SCFD1: variants seen among roughly 807,000 people sequenced by gnomAD.
SCFD1 encodes sec1 family domain-containing protein 1.
In SCFD1, 37 loss-of-function variants were observed where a neutral mutation model predicts 103.2. That is an observed-to-expected ratio of 0.36 (90% CI 0.28 to 0.47). The LOEUF (loss-of-function observed/expected upper bound fraction) is 0.47, where lower values mean the gene tolerates loss of function less well. Ranked by LOEUF, SCFD1 falls within the 20% of genes least tolerant of loss-of-function variation. SCFD1 has a pLI of 1.00. For synonymous variants in SCFD1, 264 were observed against 245.0 expected, an observed-to-expected ratio of 1.08 and a Z score of -0.73; for missense variants, 639 against 761.2, an observed-to-expected ratio of 0.84 and a Z score of 1.89.
At chr14:30,644,669 G>A (rs1262345036) in intron 7 of SCFD1, among the ~76,000 whole-genome samples, 2 of 152,114 alleles carry the variant, frequency 1.3e-5, no homozygotes, top group Non-Finnish European at 2.9e-5. Context: ...AGAAGTGTCT[G>A]TTCATGTCCT....
intron 21 of SCFD1, among the ~76,000 whole-genome samples, chr14:30,720,657 A>G (rs1892592307): frequency 6.6e-6 from 1 of 152,182 alleles, no homozygotes; most frequent in Non-Finnish European, 1.5e-5. Context: ...AGTGTAAACT[A>G]TATAGTTCGT....
At chr14:30,645,045 C>T (rs929040809) in intron 7 of SCFD1, among the ~76,000 whole-genome samples, 2 of 152,084 alleles carry the variant, frequency 1.3e-5, no homozygotes, top group Non-Finnish European at 2.9e-5. Flanking sequence ...TAATCTCCTG[C>T]GTATAGCTAG....
At chr14:30,725,318 A>G (rs147801904) in intron 23 of SCFD1, among the ~76,000 whole-genome samples, 1,812 of 152,280 alleles carry the variant, frequency 0.012, 39 homozygotes, top group African/African-American at 0.042. Context: ...ATCCATGAGC[A>G]TGGAATGTTT....
intron 22 of SCFD1, among the ~76,000 whole-genome samples, chr14:30,722,206 G>C (rs1795613543): frequency 6.6e-6 from 1 of 151,978 alleles, no homozygotes; most frequent in Non-Finnish European, 1.5e-5. Flanking sequence ...TACTATGACT[G>C]TTTTCATTTG....
Position 30,673,970 on chromosome 14 carries a change from A to G in SCFD1, c.1133A>G (p.Asn378Ser), listed in dbSNP as rs763041724. The G allele has an allele frequency of 1.9e-6, 3 of 1,613,666 alleles. No homozygotes were observed. The highest frequency in any genetic ancestry group is 1.7e-5 in the Admixed American group (1 of 60,008). Residue 378 changes from asparagine (N) to serine (S), a missense_variant, in exon 13 of 25, where the codon AAT (asparagine) becomes AGT (serine). Physicochemically the swap from Asn to Ser is conservative, Grantham distance 46. Transcript: ENST00000458591. ...DEGAISMLSD[N>S]TAKLTSAVSS... The stretch of plus-strand genomic sequence containing the variant: ...GGAGCCATAAGTATGCTTTCTGACA[A>G]TACCGCTAAGCTAACATCAGCTGTT...
intron 6 of SCFD1, among the ~76,000 whole-genome samples, 177 bp from the exon 7 acceptor site, chr14:30,643,139 C>T (rs537897229): frequency 6.6e-6 from 1 of 152,188 alleles, no homozygotes; most frequent in South Asian, 2.1e-4. Flanking sequence ...TGTCTCTGCA[C>T]TCCCTCCTGG....
In SCFD1 at chr14:30,653,563, A is replaced by G; in HGVS notation, c.830A>G (p.Tyr277Cys). 1 of 1,613,004 alleles carries G rather than the reference A, an allele frequency of 6.2e-7. No individual in the cohort carries two copies. Among genetic ancestry groups the G allele is most frequent in the Non-Finnish European group, 8.5e-7 (1 of 1,179,094 alleles). ...LATPLHHTWT[Y>C]QALVHDVLDF... ...ACTCCTTTACATCATACTTGGACAT[A>G]TCAAGCATTGGTGCACGATGTACTG... The change falls in exon 10 of 25, where the codon TAT becomes TGT. Residue 277 changes from tyrosine to cysteine, a missense_variant. Physicochemically the swap from Tyr to Cys is radical, Grantham distance 194. Coordinates refer to ENST00000458591, the MANE Select transcript of SCFD1 (RefSeq NM_016106.4).
intron 23 of SCFD1, 26 bp downstream of exon 23, chr14:30,722,585 CTGT>C (rs1336567138): frequency 4.8e-6 from 7 of 1,465,984 alleles, no homozygotes; most frequent in Non-Finnish European, 5.7e-6. Context: ...CCTTTTTATT[CTGT>C]TGTTAGATGG....
At chr14:30,705,979 C>A in intron 18 of SCFD1, 94 bp downstream of exon 18, 6 of 950,046 alleles carry the variant, frequency 6.3e-6, no homozygotes, top group South Asian at 1.5e-5. Context: ...ACTTTGAATG[C>A]GGAAAATGTC....
chr14:30,634,812 A>C (rs1884551746), intron 4 of SCFD1: 2 of 456,034 alleles, frequency 4.4e-6, no homozygotes, highest in Non-Finnish European at 8.8e-6. Flanking sequence ...ATCTATGTTC[A>C]CATCAACAAG....
chr14:30,677,357 GC>G (rs1889112020), intron 14 of SCFD1, among the ~76,000 whole-genome samples: 1 of 151,970 alleles, frequency 6.6e-6, no homozygotes, highest in African/African-American at 2.4e-5. Flanking sequence ...TCATTATCTT[GC>G]TAATGATCCT....
chr14:30,671,266 C>G (rs775901429), intron 11 of SCFD1, among the ~76,000 whole-genome samples: 1 of 151,940 alleles, frequency 6.6e-6, no homozygotes, highest in Non-Finnish European at 1.5e-5. Context: ...ATTTGACTTT[C>G]TCTGCAGAGA....
chr14:30,717,035 A>T (rs940982813), intron 20 of SCFD1, among the ~76,000 whole-genome samples: 1 of 152,246 alleles, frequency 6.6e-6, no homozygotes, highest in African/African-American at 2.4e-5. Context: ...TAAGAGAGGT[A>T]TACATTCATG....
In SCFD1 at chr14:30,708,029, G is replaced by C. The variant is rs755486274; in HGVS notation, c.1593G>C (p.Val531=). The C allele has an allele frequency of 1.2e-6, 2 of 1,613,434 alleles. No individual in the cohort carries two copies. Among genetic ancestry groups the C allele is most frequent in the East Asian group, 4.5e-5 (2 of 44,852 alleles). Residue 531 remains valine (V), a synonymous_variant, in exon 19 of 25, where the codon GTG becomes GTC. Coordinates refer to ENST00000458591, the MANE Select transcript of SCFD1 (RefSeq NM_016106.4). ...SRVMNTGSQF[V]MEGVKNLVLK... is the part of the protein sequence containing the mutation. ...TCATGAATACAGGATCACAGTTTGT[G>C]ATGGAAGGAGTGAAGAACCTGGTTT... is the stretch of plus-strand genomic sequence containing the variant.
At chr14:30,734,191 G>C (rs1483939161) in intron 23 of SCFD1, among the ~76,000 whole-genome samples, 1 of 152,136 alleles carries the variant, frequency 6.6e-6, no homozygotes, top group Non-Finnish European at 1.5e-5. Context: ...TATTACAAAA[G>C]AAATCTCATG....
At chr14:30,629,175 A>G (rs189725507) in intron 2 of SCFD1, among the ~76,000 whole-genome samples, 10 of 152,122 alleles carry the variant, frequency 6.6e-5, no homozygotes, top group Non-Finnish European at 1.2e-4. Flanking sequence ...TACTTTTCCT[A>G]CCCATCACTT....
intron 7 of SCFD1, 72 bp from the exon 8 acceptor site, chr14:30,649,456 T>C: frequency 1.1e-6 from 1 of 879,920 alleles, no homozygotes. Flanking sequence ...TTATTTTTGA[T>C]GCTGATGTAT....
intron 1 of SCFD1, among the ~76,000 whole-genome samples, chr14:30,622,764 T>TAAAAA (rs1566565115): frequency 6.6e-6 from 1 of 152,306 alleles, no homozygotes; most frequent in Non-Finnish European, 1.5e-5. Context: ...GGTTTTGATT[T>TAAAAA]TTAAGAGAAC....
At chr14:30,624,854 C>G (rs1359229506) in intron 1 of SCFD1, among the ~76,000 whole-genome samples, 1 of 152,104 alleles carries the variant, frequency 6.6e-6, no homozygotes, top group Non-Finnish European at 1.5e-5. Context: ...CAGGAATGCT[C>G]CCACCTTCGA....
Sources: gnomAD v4.1 joint callset for allele counts (sites outside exome capture counted in the v4.1 genomes callset) on GRCh38, gnomAD v4.1.1 for gene constraint, MANE v1.5 for transcripts, NCBI Gene and HGNC (gene_info 2026-07-23, HGNC 2026-07-21) for gene names.